Variants in NPR3 observed in about 807,000 individuals in gnomAD.
NPR3 encodes the protein atrial natriuretic peptide receptor 3.
Under a neutral mutation model 54.5 loss-of-function variants are expected in NPR3, and 34 were observed. That is an observed-to-expected ratio of 0.62 (90% CI 0.47 to 0.83). NPR3 has a LOEUF of 0.83. Among genes scored for constraint, NPR3 ranks in the 40% least tolerant of loss-of-function variants. The pLI is 0.00. For missense variants in NPR3, 674 were observed against 720.8 expected (o/e 0.94, Z 0.74); for synonymous variants, 289 against 297.1 (o/e 0.97, Z 0.28).
chr5:32,747,471 C>A (rs915010891), intron 3 of NPR3, among the ~76,000 whole-genome samples: 2 of 152,122 alleles, frequency 1.3e-5, no homozygotes, highest in African/African-American at 2.4e-5. Flanking sequence ...CATATCCTTT[C>A]CAGTATAGCT....
intron 1 of NPR3, among the ~76,000 whole-genome samples, chr5:32,691,657 G>GT: frequency 6.6e-6 from 1 of 152,370 alleles, no homozygotes; most frequent in Non-Finnish European, 1.5e-5. Context: ...ATTTTGCAGA[G>GT]TAATCTGGCT....
intron 1 of NPR3, among the ~76,000 whole-genome samples, chr5:32,693,261 G>A (rs1740445138): frequency 6.6e-6 from 1 of 152,098 alleles, no homozygotes; most frequent in African/African-American, 2.4e-5. Context: ...ATTTCACTTT[G>A]AATTATCTCT....
At chr5:32,782,756 A>T (rs1213816387) in intron 5 of NPR3, 137 bp from the exon 6 acceptor site, 1 of 785,604 alleles carries the variant, frequency 1.3e-6, no homozygotes, top group Non-Finnish European at 2.0e-6. Flanking sequence ...TGCCCTGGAG[A>T]CGGTGATTTG....
intron 3 of NPR3, among the ~76,000 whole-genome samples, chr5:32,765,383 C>A (rs3811968): frequency 0.33 from 50,455 of 152,084 alleles, 8,853 homozygotes; most frequent in African/African-American, 0.44. Context: ...ACAGCTATAA[C>A]AAGCCTTGTG....
At chr5:32,707,976 C>G, upstream of NPR3, among the ~76,000 whole-genome samples, 1 of 147,186 alleles carries the variant, frequency 6.8e-6, no homozygotes, top group Middle Eastern at 3.5e-3. Flanking sequence ...TAGTAGCTTG[C>G]CACCTTATTG....
upstream of NPR3, among the ~76,000 whole-genome samples, chr5:32,704,444 G>T (rs1477868031): frequency 6.6e-6 from 1 of 151,812 alleles, no homozygotes; most frequent in African/African-American, 2.4e-5. Flanking sequence ...ACGACAACTG[G>T]TGGGGGCTTC....
upstream of NPR3, chr5:32,710,642 G>C (rs1358663757): frequency 1.4e-6 from 2 of 1,476,212 alleles, no homozygotes; most frequent in Non-Finnish European, 1.8e-6. Flanking sequence ...GCCCGGGCCA[G>C]CCGGGCACAC....
At chr5:32,725,885 A>G (rs962279195) in intron 2 of NPR3, among the ~76,000 whole-genome samples, 1 of 152,192 alleles carries the variant, frequency 6.6e-6, no homozygotes, top group Non-Finnish European at 1.5e-5. Context: ...TCTCCTATAC[A>G]GAAGTTGTGA....
intron 3 of NPR3, among the ~76,000 whole-genome samples, chr5:32,755,302 T>C (rs1350494279): frequency 6.6e-6 from 1 of 152,244 alleles, no homozygotes; most frequent in African/African-American, 2.4e-5. Flanking sequence ...ATATTTATGG[T>C]AACTGTATGT....
At chr5:32,716,439 C>G (rs1259345435) in intron 1 of NPR3, 1 of 453,644 alleles carries the variant, frequency 2.2e-6, no homozygotes, top group South Asian at 1.6e-5. Flanking sequence ...CTTGATCATT[C>G]TACTGCCTGT....
At chr5:32,759,861 A>G (rs1225524044) in intron 3 of NPR3, among the ~76,000 whole-genome samples, 1 of 152,134 alleles carries the variant, frequency 6.6e-6, no homozygotes, top group Non-Finnish European at 1.5e-5. Flanking sequence ...TCCTTCACTT[A>G]TGAAGCTTAG....
At chr5:32,730,204 A>G (rs1054535773) in intron 2 of NPR3, among the ~76,000 whole-genome samples, 9 of 152,346 alleles carry the variant, frequency 5.9e-5, no homozygotes, top group Admixed American at 5.9e-4. Flanking sequence ...AAGTTAAAAA[A>G]AAAAGGTCAC....
chr5:32,699,772 T>A (rs115661796), intron 1 of NPR3, among the ~76,000 whole-genome samples: 1,685 of 152,346 alleles, frequency 0.011, 29 homozygotes, highest in African/African-American at 0.039. Context: ...GTGTACCTAC[T>A]GTTACACAGT....
rs1047154607 is a variant in NPR3 at position 32,790,868 on chromosome 5, G to T, written c.*4523G>T. Reference sequence around the variant, plus strand: ...GCTCTGTGATATATCAGTGGGAGATGATTCATAGGGGAGAGATTTGAACAA... The same window carrying T: ...GCTCTGTGATATATCAGTGGGAGATTATTCATAGGGGAGAGATTTGAACAA... On this transcript the variant is annotated 3_prime_UTR_variant, in exon 8 of 8. Transcript: ENST00000265074. The T allele has an allele frequency of 3.0e-5, 5 of 167,044 alleles. No individual in the cohort carries two copies. Among genetic ancestry groups the T allele is most frequent in the African/African-American group, 4.8e-5 (2 of 41,436 alleles). The allele number at this position is 167,044 out of a possible 1,614,324, so 10.3% of individuals were successfully genotyped here.
chr5:32,758,361 TTC>T (rs1388982103), intron 3 of NPR3, among the ~76,000 whole-genome samples: 1 of 152,220 alleles, frequency 6.6e-6, no homozygotes, highest in African/African-American at 2.4e-5. Flanking sequence ...ATTTATCCAT[TTC>T]TTCTAGATTT....
chr5:32,790,719 T>C lies in NPR3; in HGVS notation c.*4374T>C, dbSNP rs989909701. 1 of 166,906 alleles carries C rather than the reference T, an allele frequency of 6.0e-6. No individual in the cohort carries two copies. Among genetic ancestry groups the C allele is most frequent in the Non-Finnish European group, 1.5e-5 (1 of 68,126 alleles). The allele number at this position is 166,906 out of a possible 1,614,324, so 10.3% of individuals were successfully genotyped here. On this transcript the variant is annotated 3_prime_UTR_variant, in exon 8 of 8. Transcript: ENST00000265074. ...CTCATTAACCACTAATGTTAATTCA[T>C]ACCAAATGCAAAGTATTCTAAACCA...
intron 3 of NPR3, among the ~76,000 whole-genome samples, chr5:32,765,295 A>G (rs1231039118): frequency 6.6e-6 from 1 of 152,242 alleles, no homozygotes; most frequent in Non-Finnish European, 1.5e-5. Context: ...CAGCTAAAAT[A>G]GACATATAAT....
At chr5:32,752,554 C>T (rs1740633021) in intron 3 of NPR3, among the ~76,000 whole-genome samples, 1 of 152,196 alleles carries the variant, frequency 6.6e-6, no homozygotes, top group Non-Finnish European at 1.5e-5. Flanking sequence ...CCCTCCTTCG[C>T]CCTCACTCCC....
intron 2 of NPR3, among the ~76,000 whole-genome samples, chr5:32,728,855 A>G (rs1422958392): frequency 1.4e-4 from 17 of 123,744 alleles, no homozygotes; most frequent in African/African-American, 5.7e-4. Context: ...ATATATATAT[A>G]TATATATATA....
Sources: allele counts gnomAD v4.1 joint callset (sites outside exome capture counted in the v4.1 genomes callset), GRCh38; gene constraint gnomAD v4.1.1; transcripts MANE v1.5; gene names NCBI Gene and HGNC (gene_info 2026-07-23, HGNC 2026-07-21).